SGCD: variants seen among roughly 807,000 people sequenced by gnomAD.
SGCD encodes the protein sarcoglycan delta.
A neutral mutation model predicts 36.6 loss-of-function variants in SGCD; 18 were observed. That is an observed-to-expected ratio of 0.49 (90% CI 0.34 to 0.73). The LOEUF (loss-of-function observed/expected upper bound fraction) is 0.73, where lower values mean the gene tolerates loss of function less well. SGCD is among the 30% of genes least tolerant of loss of function. The pLI, the probability that SGCD is intolerant of heterozygous loss-of-function variation, is 0.01. For synonymous variants in SGCD, 133 were observed against 130.6 expected, an observed-to-expected ratio of 1.02 and a Z score of -0.12; for missense variants, 387 against 346.7, an observed-to-expected ratio of 1.12 and a Z score of -0.92.
intron 3 of SGCD, among the ~76,000 whole-genome samples, chr5:156,448,604 T>C (rs1041975138): frequency 1.7e-4 from 26 of 152,096 alleles, no homozygotes; most frequent in Admixed American, 1.7e-3. Context: ...TGCATATACA[T>C]ATAAACTTAC....
chr5:156,040,584 G>A (rs17053211), intron 1 of SGCD, among the ~76,000 whole-genome samples: 1,781 of 152,158 alleles, frequency 0.012, 45 homozygotes, highest in African/African-American at 0.038. Context: ...AATTAAAATC[G>A]GTGAGTGTGA....
the SGCD span, among the ~76,000 whole-genome samples, chr5:155,809,582 G>T: frequency 4.6e-5 from 7 of 152,058 alleles, no homozygotes; most frequent in East Asian, 1.9e-4. Flanking sequence ...CAGAGAGAAA[G>T]AAAGAAAGGG....
chr5:155,743,590 T>C, the SGCD span, among the ~76,000 whole-genome samples: 1 of 152,220 alleles, frequency 6.6e-6, no homozygotes, highest in African/African-American at 2.4e-5. Flanking sequence ...ACAAATATTC[T>C]ATATTTTCAC....
At chr5:156,262,189 C>A (rs1266492338) in intron 3 of SGCD, among the ~76,000 whole-genome samples, 4 of 152,148 alleles carry the variant, frequency 2.6e-5, no homozygotes. Context: ...TCACTCAGAG[C>A]AACTTCCAGT....
chr5:156,170,719 A>T (rs1042505168), intron 3 of SGCD, among the ~76,000 whole-genome samples: 1 of 152,178 alleles, frequency 6.6e-6, no homozygotes, highest in Non-Finnish European at 1.5e-5. Context: ...AACATCTATC[A>T]TATTAGGAAA....
At chr5:156,138,989 G>T (rs1762517911) in intron 3 of SGCD, among the ~76,000 whole-genome samples, 1 of 152,174 alleles carries the variant, frequency 6.6e-6, no homozygotes, top group South Asian at 2.1e-4. Flanking sequence ...GTTGTGAAAA[G>T]TCTATTCAAG....
At position 156,449,776 on chromosome 5, in the gene SGCD, T is replaced by C. The variant is rs185364243; in HGVS notation, c.193-58825T>C. The stretch of plus-strand genomic sequence containing the variant: ...CTGAGGCAGGAGAATTGCTTGAACC[T>C]GGGAGTTGGAGGTTGCAGTGAGCCA... On this transcript the variant is annotated intron_variant, in intron 3 of 8. Transcript: ENST00000337851. Among the ~76,000 whole-genome samples the C allele has an allele frequency of 2.9e-3, 401 of 140,292 alleles. 4 individuals carry two copies. Among genetic ancestry groups the C allele is most frequent in the African/African-American group, 9.6e-3 (357 of 37,210 alleles). 92.0% of individuals were successfully genotyped at this position (140,292 alleles called of 152,430 possible). A position where few individuals can be genotyped will look rare whatever the true frequency, so the allele number is the denominator to read the frequency against.
chr5:156,420,670 T>G (rs2174417), intron 3 of SGCD, among the ~76,000 whole-genome samples: 121,064 of 152,078 alleles, frequency 0.8, 48,924 homozygotes, highest in African/African-American at 0.94. Flanking sequence ...TGAGATAAGA[T>G]ATCAATGAGA....
intron 6 of SGCD, among the ~76,000 whole-genome samples, chr5:156,615,112 A>T (rs1761972611): frequency 6.6e-6 from 1 of 152,218 alleles, no homozygotes; most frequent in Non-Finnish European, 1.5e-5. Flanking sequence ...ATTTTAAAAG[A>T]TTAGACAGGA....
At chr5:155,792,433 C>CAAAAAAAAAAAAAAAAAAAAAGAAAAAA in the SGCD span, among the ~76,000 whole-genome samples, 1 of 92,358 alleles carries the variant, frequency 1.1e-5, no homozygotes, top group Non-Finnish European at 2.1e-5. Context: ...TTCTACATAG[C>CAAAAAAAAAAAAAAAAAAAAAGAAAAAA]AAAAAAAAAA....
intron 7 of SGCD, among the ~76,000 whole-genome samples, chr5:156,681,485 C>T (rs184201905): frequency 2.6e-5 from 4 of 152,256 alleles, no homozygotes; most frequent in Admixed American, 2.0e-4. Flanking sequence ...AGGCCAAAAG[C>T]AGTATTTGGA....
chr5:156,408,545 G>T (rs1482964097), intron 3 of SGCD, among the ~76,000 whole-genome samples: 1 of 152,068 alleles, frequency 6.6e-6, no homozygotes, highest in East Asian at 1.9e-4. Context: ...TTTTAGTAGA[G>T]ACGGGATTTC....
chr5:156,181,833 A>G (rs1181532253), intron 3 of SGCD, among the ~76,000 whole-genome samples: 1 of 152,222 alleles, frequency 6.6e-6, no homozygotes, highest in Non-Finnish European at 1.5e-5. Context: ...CAGATATTTC[A>G]TCCAGATTAA....
At chr5:155,744,098 A>ACTTCTGATATCAACTT in the SGCD span, among the ~76,000 whole-genome samples, 1 of 152,198 alleles carries the variant, frequency 6.6e-6, no homozygotes, top group African/African-American at 2.4e-5. Context: ...CAGAAAGAAA[A>ACTTCTGATATCAACTT]CAGACTTCAA....
intron 7 of SGCD, among the ~76,000 whole-genome samples, chr5:156,719,195 C>G (rs1444831409): frequency 3.3e-5 from 5 of 151,936 alleles, no homozygotes; most frequent in Middle Eastern, 3.2e-3. Context: ...GGTGGAGACC[C>G]AAGAAAAGGT....
intron 1 of SGCD, among the ~76,000 whole-genome samples, chr5:156,050,441 A>G (rs1581063730): frequency 6.8e-6 from 1 of 146,902 alleles, no homozygotes; most frequent in South Asian, 2.1e-4. Context: ...TCATGTAAAC[A>G]TAACTTTTCC....
At chr5:156,739,815 G>C (rs1372466722) in intron 7 of SGCD, 1 of 152,106 alleles carries the variant, frequency 6.6e-6, no homozygotes, top group Non-Finnish European at 1.5e-5. Context: ...CATGGTCTTG[G>C]CCACAATGTT....
intron 1 of SGCD, among the ~76,000 whole-genome samples, chr5:155,888,933 T>C (rs1251044022): frequency 6.6e-6 from 1 of 152,232 alleles, no homozygotes; most frequent in Non-Finnish European, 1.5e-5. Context: ...TTAATTGGCC[T>C]CCACTCTCCT....
chr5:156,277,952 G>A (rs1296153496), intron 3 of SGCD, among the ~76,000 whole-genome samples: 1 of 152,096 alleles, frequency 6.6e-6, no homozygotes, highest in Non-Finnish European at 1.5e-5. Context: ...GCACACAATT[G>A]TATAAGCAGT....
Sources: allele counts gnomAD v4.1 joint callset (sites outside exome capture counted in the v4.1 genomes callset), GRCh38; gene constraint gnomAD v4.1.1; transcripts MANE v1.5; gene names NCBI Gene and HGNC (gene_info 2026-07-23, HGNC 2026-07-21).